The following UTY variants were observed in gnomAD, a reference collection of about 807,000 sequenced individuals.
UTY encodes the protein ubiquitously transcribed tetratricopeptide repeat containing, Y-linked, also known as histone demethylase UTY.
A neutral mutation model predicts 32.5 loss-of-function variants in UTY; 12 were observed. The observed-to-expected ratio is 0.37, with a 90% confidence interval of 0.24 to 0.60. UTY has a LOEUF of 0.60. Ranked by LOEUF, UTY falls within the 20% of genes least tolerant of loss-of-function variation. The pLI is 0.69. For synonymous variants in UTY, 131 were observed against 103.4 expected, an observed-to-expected ratio of 1.27 and a Z score of -1.62; for missense variants, 303 against 299.2, an observed-to-expected ratio of 1.01 and a Z score of -0.09.
At chrY:13,396,841 A>G in intron 7 of UTY, 77 bp downstream of exon 7, 5 of 198,470 alleles carry the variant, frequency 2.5e-5, no homozygotes, top group African/African-American at 8.6e-5. Flanking sequence ...AAGAATGAAC[A>G]GAAACAAAGG....
rs2079542529 is a variant in UTY at position 13,479,563 on chromosome Y, ACTC to A, written c.100_102del (p.Glu34del). On this transcript the variant is annotated inframe_deletion, in exon 1 of 30. Transcript: ENST00000545955. ...CTTTCCTCGACTGTCAGGCTAACAGACTCCTCTTCACTCTCGCGGCTCGCTTTT... is the reference window on the plus strand; with the variant it reads ...CTTTCCTCGACTGTCAGGCTAACAGACTCTTCACTCTCGCGGCTCGCTTTT... 1 of 394,524 alleles carries A rather than the reference ACTC, an allele frequency of 2.5e-6. No individual in the cohort carries two copies. The highest frequency in any genetic ancestry group is 3.5e-6 in the Non-Finnish European group (1 of 282,560).
At chrY:13,413,507 G>A (rs2071238184) in intron 5 of UTY, among the ~76,000 whole-genome samples, 1 of 34,292 alleles carries the variant, frequency 2.9e-5, no homozygotes, top group Non-Finnish European at 7.3e-5. Context: ...ATACCAATGA[G>A]GGAGTGGTAA....
chrY:13,468,771 TTAAA>T (rs2078169399), intron 3 of UTY, among the ~76,000 whole-genome samples: 1 of 33,662 alleles, frequency 3.0e-5, no homozygotes, highest in Non-Finnish European at 7.3e-5. Flanking sequence ...TTAGAGAAAC[TTAAA>T]TAAATCTGTT....
intron 17 of UTY, among the ~76,000 whole-genome samples, chrY:13,338,638 C>G (rs1603421067): frequency 6.1e-5 from 2 of 32,938 alleles, no homozygotes; most frequent in East Asian, 8.0e-4. Context: ...AAGACATGAG[C>G]CACTGCGCCT....
Position 13,297,848 on chromosome Y carries a change from G to T in UTY, c.3869C>A (p.Ala1290Asp), listed in dbSNP as rs1157025741. The T allele has an allele frequency of 1.3e-5, 5 of 392,378 alleles. No homozygotes were observed. The highest frequency in any genetic ancestry group is 1.8e-5 in the Non-Finnish European group (5 of 278,554). ...TTCCACTGCCAATTTATACTGGCAG[G>T]CTAGAAGGAAAAAAGCAACAGTCAT... ...NIAWNVGPLT[A>D]CQYKLAVERY... Residue 1290 changes from alanine to aspartate, a missense_variant and splice_region_variant, in exon 27 of 30, where the codon GCC (alanine) becomes GAC (aspartate). Transcript: ENST00000545955.
intron 27 of UTY, among the ~76,000 whole-genome samples, chrY:13,276,427 C>T (rs760041012): frequency 1.0e-3 from 35 of 33,792 alleles, no homozygotes; most frequent in African/African-American, 3.7e-3. Flanking sequence ...TCAAAGACAA[C>T]GGCTGGGCGT....
chrY:13,427,580 T>G, intron 4 of UTY, among the ~76,000 whole-genome samples: 3 of 32,054 alleles, frequency 9.4e-5, no homozygotes, highest in Non-Finnish European at 2.3e-4. Context: ...AAGTCAAGAG[T>G]GGGAAAGAAA....
intron 6 of UTY, 55 bp downstream of exon 6, chrY:13,410,938 C>T: frequency 1.1e-5 from 4 of 379,173 alleles, no homozygotes; most frequent in Non-Finnish European, 1.5e-5. Flanking sequence ...CGCACATGTG[C>T]ATGCACGCAC....
At chrY:13,338,271 G>A (rs777808648) in intron 17 of UTY, among the ~76,000 whole-genome samples, 2 of 27,855 alleles carry the variant, frequency 7.2e-5, no homozygotes, top group East Asian at 1.9e-3. Flanking sequence ...GCCACTTTGG[G>A]TGGCTGAGGC....
At position 13,339,829 on chromosome Y, in the gene UTY, A is replaced by T. The variant is rs750996857; in HGVS notation, c.2062-3494T>A. Among the ~76,000 whole-genome samples the T allele has an allele frequency of 2.1e-4, 7 of 33,201 alleles. No homozygotes were observed. In the South Asian group the frequency reaches 4.7e-3, roughly 22 times the overall value. 89.1% of individuals were successfully genotyped at this position (33,201 alleles called of 37,273 possible). A position where few individuals can be genotyped will look rare whatever the true frequency, so the allele number is the denominator to read the frequency against. ...CTGCAGTGAGCTGTGACAGGAATTAAGGTACGCTCCTGGCTAAGCAGTGTC... is the reference window on the plus strand; with the variant it reads ...CTGCAGTGAGCTGTGACAGGAATTATGGTACGCTCCTGGCTAAGCAGTGTC... On this transcript the variant is annotated intron_variant, in intron 17 of 29. Coordinates refer to ENST00000545955, the MANE Select transcript of UTY (RefSeq NM_001258249.2).
downstream of UTY, among the ~76,000 whole-genome samples, chrY:13,244,017 C>A (rs2053928411): frequency 6.2e-5 from 2 of 32,282 alleles, no homozygotes; most frequent in South Asian, 1.4e-3. Context: ...CCAGGTTACC[C>A]AGGATGATCT....
chrY:13,253,141 C>A (rs2054369821), intron 28 of UTY, among the ~76,000 whole-genome samples: 1 of 33,327 alleles, frequency 3.0e-5, no homozygotes, highest in Non-Finnish European at 7.4e-5. Context: ...TTAAAGCAAT[C>A]CCCGTGGTGA....
Position 13,318,742 on chromosome Y carries a change from A to G in UTY, c.3276+4813T>C. Among the ~76,000 whole-genome samples, 4 of 32,839 alleles carry G rather than the reference A, an allele frequency of 1.2e-4. No individual in the cohort carries two copies. The East Asian group carries it at 3.1e-3, about 26-fold the overall frequency. The allele number at this position is 32,839 out of a possible 37,273, so 88.1% of individuals were successfully genotyped here. On this transcript the variant is annotated intron_variant, in intron 21 of 29. Transcript: ENST00000545955. Reference sequence around the variant, plus strand: ...AAGGCAAAATTAGGCTAGGCGCAGTAGCTTACACCTATAATCACAGCACTT... The same window carrying G: ...AAGGCAAAATTAGGCTAGGCGCAGTGGCTTACACCTATAATCACAGCACTT...
intron 10 of UTY, among the ~76,000 whole-genome samples, chrY:13,361,267 G>A: frequency 3.0e-5 from 1 of 33,429 alleles, no homozygotes. Context: ...GAAAACATGA[G>A]AAGAGGCATT....
chrY:13,302,894 C>T lies in UTY; in HGVS notation c.3663G>A (p.Leu1221=), dbSNP rs780275670. 1 of 386,843 alleles carries T rather than the reference C, an allele frequency of 2.6e-6. No homozygotes were observed. The highest frequency in any genetic ancestry group is 3.0e-5 in the South Asian group (1 of 33,316). The change falls in exon 25 of 30, where the codon CTG becomes CTA. Residue 1221 remains leucine, a synonymous_variant. Transcript: ENST00000545955. ...FVVPEDYWGV[L]NDFCEKNNLN... ...AAACCTACTTTTCACAGAAGTCATT[C>T]AGAACACCCCAATAATCTTCAGGTA...
At chrY:13,363,523 C>T in intron 10 of UTY, among the ~76,000 whole-genome samples, 6 of 32,649 alleles carry the variant, frequency 1.8e-4, no homozygotes, top group Admixed American at 1.1e-3. Context: ...TAAAATGCTA[C>T]AAGAAGTAAA....
At chrY:13,385,672 G>A in intron 8 of UTY, among the ~76,000 whole-genome samples, 1 of 32,953 alleles carries the variant, frequency 3.0e-5, no homozygotes, top group Admixed American at 2.8e-4. Flanking sequence ...CCCCCAAAGT[G>A]CTGAGACTAC....
At chrY:13,372,310 T>C in intron 8 of UTY, among the ~76,000 whole-genome samples, 1 of 33,553 alleles carries the variant, frequency 3.0e-5, no homozygotes, top group Non-Finnish European at 7.4e-5. Flanking sequence ...CCCACACAGA[T>C]GGCAAACTGA....
chrY:13,319,838 T>C (rs918732184), intron 21 of UTY, among the ~76,000 whole-genome samples: 2 of 33,815 alleles, frequency 5.9e-5, no homozygotes, highest in Non-Finnish European at 1.5e-4. Context: ...TAAGGGCTCA[T>C]TGTTTGTAAA....
Sources: gnomAD v4.1 joint callset for allele counts (sites outside exome capture counted in the v4.1 genomes callset) on GRCh38, gnomAD v4.1.1 for gene constraint, MANE v1.5 for transcripts, NCBI Gene and HGNC (gene_info 2026-07-23, HGNC 2026-07-21) for gene names.